CAPN11: variants seen among roughly 807,000 people sequenced by gnomAD.
CAPN11 encodes the protein calpain-11.
CAPN11 carries 108 observed loss-of-function variants against 105.3 expected under a neutral mutation model. That is an observed-to-expected ratio of 1.03 (90% CI 0.88 to 1.20). The LOEUF is 1.20. CAPN11 is among the 50% of genes most tolerant of loss of function. CAPN11 has a pLI of 0.00. For missense variants in CAPN11, 883 were observed against 924.8 expected, an observed-to-expected ratio of 0.95 and a Z score of 0.59; for synonymous variants, 329 against 344.5, an observed-to-expected ratio of 0.96 and a Z score of 0.50.
chr6:44,173,331 T>C lies in CAPN11; in HGVS notation c.776T>C (p.Leu259Pro), dbSNP rs1439249769. The change falls in exon 7 of 23, where the codon CTC becomes CCC. Residue 259 changes from leucine (L) to proline (P), a missense_variant. Leu to Pro is a moderately conservative substitution (Grantham distance 98, BLOSUM62 -3). Transcript: ENST00000398776. Reference protein sequence around the residue: ...FQLQRPPQNLLRLLRKAVERS... With the variant: ...FQLQRPPQNLPRLLRKAVERS... ...CTCCAGAGGCCCCCTCAGAACCTGC[T>C]CAGGCTCCTTAGGAAGGCCGTGGAG... The C allele has an allele frequency of 1.2e-6, 2 of 1,613,866 alleles. No individual in the cohort carries two copies. Among genetic ancestry groups the C allele is most frequent in the East Asian group, 2.2e-5 (1 of 44,866 alleles).
intron 7 of CAPN11, among the ~76,000 whole-genome samples, chr6:44,175,105 T>A (rs908913230): frequency 6.6e-5 from 10 of 152,120 alleles, no homozygotes; most frequent in Admixed American, 4.6e-4. Flanking sequence ...AAACTACACA[T>A]AATGGAATTG....
chr6:44,165,811 A>G (rs1582860148), intron 1 of CAPN11, among the ~76,000 whole-genome samples: 1 of 152,170 alleles, frequency 6.6e-6, no homozygotes. Context: ...TGGCAAAGCG[A>G]TGTCCTGAAA....
intron 1 of CAPN11, among the ~76,000 whole-genome samples, chr6:44,165,490 A>C (rs1433542947): frequency 6.6e-6 from 1 of 152,208 alleles, no homozygotes; most frequent in Non-Finnish European, 1.5e-5. Context: ...GCACAGGGGC[A>C]GCCCCTATCG....
Position 44,176,652 on chromosome 6 carries a change from T to C in CAPN11, c.1073T>C (p.Phe358Ser). The change falls in exon 10 of 23, where the codon TTC becomes TCC. Residue 358 changes from phenylalanine to serine, a missense_variant. Physicochemically the swap from Phe to Ser is radical, Grantham distance 155 (BLOSUM62 -2). Coordinates refer to ENST00000398776, the MANE Select transcript of CAPN11 (RefSeq NM_007058.4). The part of the protein sequence containing the change: ...QLLHKTEDGE[F>S]WMSYQDFLNN... ...CTGCACAAGACGGAGGACGGGGAGT[T>C]CTGGTCAGTGTGGCTTGGGGTGGGC... 2 of 1,600,144 alleles carry C rather than the reference T, an allele frequency of 1.2e-6. No homozygotes were observed. The highest frequency in any genetic ancestry group is 1.7e-6 in the Non-Finnish European group (2 of 1,171,616).
intron 1 of CAPN11, among the ~76,000 whole-genome samples, chr6:44,160,626 C>A (rs1768601256): frequency 6.6e-6 from 1 of 151,950 alleles, no homozygotes; most frequent in Admixed American, 6.6e-5. Context: ...CAAAAAAAAC[C>A]TCAAAAAACA....
intron 14 of CAPN11, 85 bp downstream of exon 14, chr6:44,180,248 CCTCA>C (rs1400320748): frequency 2.8e-6 from 3 of 1,072,490 alleles, no homozygotes; most frequent in African/African-American, 1.6e-5. Context: ...TCGGGTCCTC[CCTCA>C]CTTTGTCCCT....
At position 44,176,824 on chromosome 6, in the gene CAPN11, C is replaced by T. The variant is rs368308475; in HGVS notation, c.1077-14C>T. The T allele has an allele frequency of 3.2e-5, 52 of 1,613,340 alleles. No individual in the cohort carries two copies. The highest frequency in any genetic ancestry group is 4.3e-5 in the Non-Finnish European group (51 of 1,179,698). On this transcript the variant is annotated splice_polypyrimidine_tract_variant and intron_variant, in intron 10 of 22. Transcript: ENST00000398776. ...AGTGTGCTGCTGACGGGCTCCACCC[C>T]CACCCCACCACAGGATGTCCTACCA...
chr6:44,173,499 C>G, intron 7 of CAPN11, 113 bp downstream of exon 7: 4 of 666,084 alleles, frequency 6.0e-6, no homozygotes, highest in Non-Finnish European at 1.0e-5. Context: ...GTTCAACTGC[C>G]CTTTCCCCAG....
chr6:44,183,717 C>T lies in CAPN11; in HGVS notation c.2147C>T (p.Thr716Ile). 1 of 1,613,878 alleles carries T rather than the reference C, an allele frequency of 6.2e-7. No homozygotes were observed. Among genetic ancestry groups the T allele is most frequent in the Non-Finnish European group, 8.5e-7 (1 of 1,179,834 alleles). Residue 716 changes from threonine (T) to isoleucine (I), a missense_variant, in exon 22 of 23, where the codon ACC becomes ATC. Thr to Ile is a moderately conservative substitution (Grantham distance 89). Coordinates refer to ENST00000398776, the MANE Select transcript of CAPN11 (RefSeq NM_007058.4). The part of the protein sequence containing the change: ...RLKTMFTFFL[T>I]MDPKNTGHIC... Reference sequence around the variant, plus strand: ...CTCTGTAACGCAGCATTCTTTCTAACCATGGACCCCAAGAATACTGGCCAT... The same window carrying T: ...CTCTGTAACGCAGCATTCTTTCTAATCATGGACCCCAAGAATACTGGCCAT...
Position 44,176,095 on chromosome 6 carries a change from ATGAC to A in CAPN11, c.864_867del (p.Asp289ArgfsTer4), listed in dbSNP as rs780154555. 1.6e-5 allele frequency: 25 copies of A among 1,612,642 alleles called. No individual in the cohort carries two copies. The highest frequency in any genetic ancestry group is 2.0e-5 in the Non-Finnish European group (24 of 1,179,372). On this transcript the variant is annotated frameshift_variant, in exon 8 of 23. Coordinates refer to ENST00000398776, the MANE Select transcript of CAPN11 (RefSeq NM_007058.4). LOFTEE classifies it high-confidence loss of function. ...CACCAGTGATAGTGAACTGGAATCC[ATGAC>A]TGACAAGATGCTGGTGAGAGGGCAC...
chr6:44,162,645 G>C (rs1042740189), intron 1 of CAPN11, among the ~76,000 whole-genome samples: 1 of 152,118 alleles, frequency 6.6e-6, no homozygotes, highest in Non-Finnish European at 1.5e-5. Flanking sequence ...GCTTAGAATA[G>C]GGAAAGGGGG....
At chr6:44,177,906 G>A (rs1772399021) in intron 12 of CAPN11, among the ~76,000 whole-genome samples, 1 of 152,140 alleles carries the variant, frequency 6.6e-6, no homozygotes, top group South Asian at 2.1e-4. Flanking sequence ...TGCCCAGGTT[G>A]GAATGCAGTG....
At position 44,162,208 on chromosome 6, in the gene CAPN11, G is replaced by A. The variant is rs369314840; in HGVS notation, c.16+3344G>A. Among the ~76,000 whole-genome samples the A allele has an allele frequency of 8.5e-5, 13 of 152,124 alleles. No homozygotes were observed. In the East Asian group the frequency reaches 9.7e-4, roughly 11 times the overall value. On this transcript the variant is annotated intron_variant, in intron 1 of 22. Coordinates refer to ENST00000398776, the MANE Select transcript of CAPN11 (RefSeq NM_007058.4). ...CAGATGGGAATAGTCATCCTGATCC[G>A]CCAGCTTCACAGATAGGGATCAGGG...
intron 12 of CAPN11, 139 bp from the exon 13 acceptor site, chr6:44,179,480 C>A: frequency 1.3e-6 from 1 of 761,534 alleles, no homozygotes; most frequent in Non-Finnish European, 2.4e-6. Flanking sequence ...CACTCCACCA[C>A]CAGTATCCCA....
At chr6:44,176,366 T>A (rs774380173) in intron 9 of CAPN11, 28 bp downstream of exon 9, 1 of 1,594,358 alleles carries the variant, frequency 6.3e-7, no homozygotes. Context: ...AGGTGAGGGG[T>A]GGTCGGAGGA....
intron 2 of CAPN11, among the ~76,000 whole-genome samples, chr6:44,167,134 C>T (rs1313870709): frequency 2.6e-5 from 4 of 152,170 alleles, no homozygotes; most frequent in Non-Finnish European, 5.9e-5. Context: ...TTATCTGACC[C>T]GGTCCGACAC....
rs777836122 is a variant in CAPN11, at chr6:44,176,130, C to T, written c.894C>T (p.Tyr298=). ...AGATGCTGGTGAGAGGGCACGCTTA[C>T]TCTGTGACTGGCCTTCAGGATGTGA... ...TDKMLVRGHA[Y]SVTGLQDVHY... Residue 298 remains tyrosine, a synonymous_variant, in exon 8 of 23, where the codon TAC becomes TAT. Transcript: ENST00000398776. 1 of 1,612,950 alleles carries T rather than the reference C, an allele frequency of 6.2e-7. No individual in the cohort carries two copies. Among genetic ancestry groups the T allele is most frequent in the African/African-American group, 1.3e-5 (1 of 74,804 alleles).
chr6:44,174,576 C>T (rs1487656189), intron 7 of CAPN11, among the ~76,000 whole-genome samples: 7 of 150,072 alleles, frequency 4.7e-5, no homozygotes, highest in Non-Finnish European at 1.0e-4. Flanking sequence ...AAAGACAATC[C>T]CCTCCAAAGG....
intron 1 of CAPN11, among the ~76,000 whole-genome samples, chr6:44,163,775 A>T (rs1032863142): frequency 6.6e-6 from 1 of 152,168 alleles, no homozygotes; most frequent in Non-Finnish European, 1.5e-5. Flanking sequence ...TTCTCATCAC[A>T]AGTTACAGGC....
Sources: allele counts gnomAD v4.1 joint callset (sites outside exome capture counted in the v4.1 genomes callset), GRCh38; gene constraint gnomAD v4.1.1; transcripts MANE v1.5; gene names NCBI Gene and HGNC (gene_info 2026-07-23, HGNC 2026-07-21).